The following TPD52 variants were observed in gnomAD, a reference collection of about 807,000 sequenced individuals.
TPD52 encodes the protein prostate and colon associated protein.
Under a neutral mutation model 31.3 loss-of-function variants are expected in TPD52, and 17 were observed. The ratio of observed to expected loss-of-function variants is 0.54; its 90% CI spans 0.37 to 0.82. TPD52 has a LOEUF of 0.82. Among genes scored for constraint, TPD52 ranks in the 40% least tolerant of loss-of-function variants. The pLI, the probability that TPD52 is intolerant of heterozygous loss-of-function variation, is 0.00. For synonymous variants in TPD52, 83 were observed against 89.6 expected, an observed-to-expected ratio of 0.93 and a Z score of 0.42; for missense variants, 212 against 240.1, an observed-to-expected ratio of 0.88 and a Z score of 0.77.
chr8:80,112,645 A>G lies in TPD52; in HGVS notation c.20-48052T>C, dbSNP rs574343435. ...TGGACTTCTTTGCTAAGGTAGAAAAATATAAACCAAGTGGAAAAAAATTTC... is the reference window on the plus strand; with the variant it reads ...TGGACTTCTTTGCTAAGGTAGAAAAGTATAAACCAAGTGGAAAAAAATTTC... On this transcript the variant is annotated intron_variant, in intron 1 of 7. Transcript: ENST00000518937. 2.0e-5 allele frequency among the ~76,000 whole-genome samples: 3 copies of G among 152,354 alleles called. No individual in the cohort carries two copies. In the East Asian group the frequency reaches 5.8e-4, roughly 29 times the overall value.
chr8:80,074,753 GAA>G (rs1814316991), intron 1 of TPD52, among the ~76,000 whole-genome samples: 2 of 152,236 alleles, frequency 1.3e-5, no homozygotes, highest in South Asian at 4.1e-4. Context: ...AGTGCCTTCA[GAA>G]GAGAGGGATG....
At chr8:80,068,739 G>A (rs945697701) in intron 1 of TPD52, among the ~76,000 whole-genome samples, 2 of 152,152 alleles carry the variant, frequency 1.3e-5, no homozygotes, top group Admixed American at 6.5e-5. Context: ...AATGCATCTC[G>A]CTGATTCCCA....
At chr8:80,085,283 C>T (rs1023605408) in intron 1 of TPD52, among the ~76,000 whole-genome samples, 1 of 152,122 alleles carries the variant, frequency 6.6e-6, no homozygotes, top group African/African-American at 2.4e-5. Context: ...GGGTAATAAC[C>T]GGAGACGACT....
At chr8:80,123,857 C>G (rs1030153387) in intron 1 of TPD52, among the ~76,000 whole-genome samples, 1 of 152,096 alleles carries the variant, frequency 6.6e-6, no homozygotes, top group Non-Finnish European at 1.5e-5. Context: ...AGTTCAACAT[C>G]TGGAAAGATT....
chr8:80,114,062 T>C (rs1807690830), intron 1 of TPD52, among the ~76,000 whole-genome samples: 1 of 152,054 alleles, frequency 6.6e-6, no homozygotes, highest in African/African-American at 2.4e-5. Context: ...CTGGCCAACA[T>C]GGTAAAACCC....
At chr8:80,052,012 C>T (rs1293690618) in intron 3 of TPD52, among the ~76,000 whole-genome samples, 3 of 152,190 alleles carry the variant, frequency 2.0e-5, no homozygotes, top group Non-Finnish European at 4.4e-5. Flanking sequence ...AATCAAATTC[C>T]TCAGATGCCT....
chr8:80,053,560 A>G, intron 2 of TPD52, 130 bp from the exon 3 acceptor site: 1 of 1,002,466 alleles, frequency 1.0e-6, no homozygotes, highest in East Asian at 2.5e-5. Context: ...TCTCTCTAAA[A>G]ACAATGTATA....
chr8:80,088,744 C>A (rs1816020185), intron 1 of TPD52, among the ~76,000 whole-genome samples: 1 of 152,152 alleles, frequency 6.6e-6, no homozygotes, highest in South Asian at 2.1e-4. Context: ...TAAGATTAAA[C>A]AGGGTCATAG....
intron 1 of TPD52, among the ~76,000 whole-genome samples, chr8:80,110,180 G>A (rs993710331): frequency 6.6e-6 from 1 of 152,120 alleles, no homozygotes; most frequent in Non-Finnish European, 1.5e-5. Context: ...TGCTTCCATA[G>A]AAATATTAGT....
chr8:80,091,237 G>T (rs1816235217), intron 1 of TPD52, among the ~76,000 whole-genome samples: 1 of 152,180 alleles, frequency 6.6e-6, no homozygotes, highest in South Asian at 2.1e-4. Flanking sequence ...TTGGGAGGCT[G>T]AGGCGGGCAT....
chr8:80,089,412 G>A (rs959817875), intron 1 of TPD52, among the ~76,000 whole-genome samples: 1 of 152,202 alleles, frequency 6.6e-6, no homozygotes. Flanking sequence ...AGAATGAGCT[G>A]CATTTTGGCA....
At chr8:80,071,070 C>T (rs28439420) in intron 1 of TPD52, among the ~76,000 whole-genome samples, 1,562 of 152,250 alleles carry the variant, frequency 0.01, 23 homozygotes, top group East Asian at 0.051. Flanking sequence ...CAAGGAACAC[C>T]AAGGTCTGCA....
At chr8:80,129,079 G>A (rs533406512) in intron 1 of TPD52, among the ~76,000 whole-genome samples, 1 of 152,024 alleles carries the variant, frequency 6.6e-6, no homozygotes, top group East Asian at 1.9e-4. Flanking sequence ...TCAAGAATTT[G>A]GTGGATAAGC....
chr8:80,081,158 T>G (rs914526483), intron 1 of TPD52, among the ~76,000 whole-genome samples: 15 of 53,914 alleles, frequency 2.8e-4, no homozygotes, highest in African/African-American at 8.0e-4. Context: ...TTCTCTCTCT[T>G]TTTTTTTTTT....
At chr8:80,054,937 A>C (rs1204454523) in intron 2 of TPD52, among the ~76,000 whole-genome samples, 1 of 152,216 alleles carries the variant, frequency 6.6e-6, no homozygotes, top group African/African-American at 2.4e-5. Flanking sequence ...ACAAAAAAAG[A>C]GGAAAGAATA....
At chr8:80,081,372 T>C (rs184605834) in intron 1 of TPD52, among the ~76,000 whole-genome samples, 1 of 152,096 alleles carries the variant, frequency 6.6e-6, no homozygotes, top group African/African-American at 2.4e-5. Context: ...GTCACCAAAT[T>C]TATTTCCTTT....
At chr8:80,133,632 C>T (rs1203011658) in intron 1 of TPD52, among the ~76,000 whole-genome samples, 1 of 152,122 alleles carries the variant, frequency 6.6e-6, no homozygotes, top group Non-Finnish European at 1.5e-5. Flanking sequence ...GGCTCCATTT[C>T]TTCTTTCCAT....
intron 5 of TPD52, among the ~76,000 whole-genome samples, chr8:80,046,503 AGCTTCAACTT>A (rs1375359136): frequency 5.9e-5 from 9 of 152,208 alleles, no homozygotes; most frequent in African/African-American, 2.2e-4. Flanking sequence ...AGTTACACAA[AGCTTCAACTT>A]GCTCATCATT....
chr8:80,080,755 C>T, intron 1 of TPD52: 1 of 1,063,856 alleles, frequency 9.4e-7, no homozygotes, highest in Non-Finnish European at 1.1e-6. Flanking sequence ...AGCGAGCTTT[C>T]CTCAGTCAAC....
Sources: gnomAD v4.1 joint callset for allele counts (sites outside exome capture counted in the v4.1 genomes callset) on GRCh38, gnomAD v4.1.1 for gene constraint, MANE v1.5 for transcripts, NCBI Gene and HGNC (gene_info 2026-07-23, HGNC 2026-07-21) for gene names.